The following TMEM212 variants were observed in gnomAD, a reference collection of about 807,000 sequenced individuals.
TMEM212 encodes transmembrane protein 212.
Under a neutral mutation model 20.5 loss-of-function variants are expected in TMEM212, and 23 were observed. The observed-to-expected ratio is 1.12, with a 90% CI of 0.81 to 1.59. The LOEUF (loss-of-function observed/expected upper bound fraction) is 1.59. Ranked by LOEUF, TMEM212 falls within the 40% of genes most tolerant of loss-of-function variation. TMEM212 has a pLI of 0.00. For missense variants in TMEM212, 211 were observed against 215.0 expected (o/e 0.98, Z 0.12); for synonymous variants, 76 against 81.6 (o/e 0.93, Z 0.37).
intron 3 of TMEM212, among the ~76,000 whole-genome samples, chr3:171,854,588 C>T (rs1725067675): frequency 6.6e-6 from 1 of 152,164 alleles, no homozygotes; most frequent in African/African-American, 2.4e-5. Flanking sequence ...GATCTATAGA[C>T]TCAGGGCAAT....
chr3:171,856,184 A>C (rs1412696325), intron 3 of TMEM212, among the ~76,000 whole-genome samples: 1 of 152,184 alleles, frequency 6.6e-6, no homozygotes, highest in African/African-American at 2.4e-5. Flanking sequence ...CTTCTTAAAA[A>C]ATCTTTACTA....
At chr3:171,844,205 C>T (rs1724781607) in intron 1 of TMEM212, among the ~76,000 whole-genome samples, 1 of 152,110 alleles carries the variant, frequency 6.6e-6, no homozygotes, top group African/African-American at 2.4e-5. Context: ...AAACGATTGG[C>T]CTGGTCCCTT....
chr3:171,847,690 T>C (rs992766226), intron 1 of TMEM212, among the ~76,000 whole-genome samples: 2 of 152,118 alleles, frequency 1.3e-5, no homozygotes, highest in South Asian at 2.1e-4. Context: ...GGAAAATTAC[T>C]AACAGGAAAT....
intron 1 of TMEM212, among the ~76,000 whole-genome samples, chr3:171,846,043 C>G (rs762989607): frequency 4.5e-4 from 69 of 152,288 alleles, no homozygotes; most frequent in Non-Finnish European, 6.6e-4. Context: ...CCCTCGTAAC[C>G]TGCTGAGTTC....
intron 1 of TMEM212, among the ~76,000 whole-genome samples, chr3:171,851,482 G>A (rs1724975224): frequency 2.0e-5 from 3 of 152,150 alleles, no homozygotes; most frequent in Admixed American, 1.3e-4. Context: ...TTTGAGAAAA[G>A]GGGATCGTGT....
At chr3:171,848,560 CATAGAATAGAATAGAATAGGATAGA>C (rs1724890157) in intron 1 of TMEM212, among the ~76,000 whole-genome samples, 1 of 44,344 alleles carries the variant, frequency 2.3e-5, no homozygotes, top group African/African-American at 1.1e-4. Flanking sequence ...ACAATAAATG[CATAGAATAGAATAGAATAGGATAGA>C]ATAGAATAGA....
intron 3 of TMEM212, among the ~76,000 whole-genome samples, chr3:171,854,190 C>T (rs1226842398): frequency 5.9e-5 from 9 of 151,682 alleles, no homozygotes; most frequent in African/African-American, 1.7e-4. Flanking sequence ...AGCAATTAGG[C>T]AAGAAAAAGA....
intron 1 of TMEM212, among the ~76,000 whole-genome samples, chr3:171,849,774 T>A (rs1279236371): frequency 6.6e-6 from 1 of 152,170 alleles, no homozygotes; most frequent in East Asian, 1.9e-4. Context: ...AATTTAAAGA[T>A]TTAGTGGGAG....
chr3:171,848,826 G>C (rs1578515353), intron 1 of TMEM212, among the ~76,000 whole-genome samples: 2 of 151,378 alleles, frequency 1.3e-5, no homozygotes, highest in Admixed American at 1.3e-4. Flanking sequence ...ATTGTGGCTA[G>C]AGTTGAAAAA....
chr3:171,848,214 A>C (rs1291377840), intron 1 of TMEM212, among the ~76,000 whole-genome samples: 1 of 152,124 alleles, frequency 6.6e-6, no homozygotes, highest in Non-Finnish European at 1.5e-5. Context: ...GATGAGATGC[A>C]GGTTCTAATT....
At chr3:171,854,800 A>G (rs1457649802) in intron 3 of TMEM212, among the ~76,000 whole-genome samples, 1 of 152,182 alleles carries the variant, frequency 6.6e-6, no homozygotes, top group Non-Finnish European at 1.5e-5. Context: ...CAGACAATAG[A>G]CCAATGGAAC....
At chr3:171,855,507 T>C (rs1484942044) in intron 3 of TMEM212, among the ~76,000 whole-genome samples, 1 of 152,142 alleles carries the variant, frequency 6.6e-6, no homozygotes, top group Non-Finnish European at 1.5e-5. Context: ...AAAACAATTA[T>C]TGAGTACCTA....
At chr3:171,845,060 C>T (rs532018360) in intron 1 of TMEM212, among the ~76,000 whole-genome samples, 1 of 152,154 alleles carries the variant, frequency 6.6e-6, no homozygotes, top group African/African-American at 2.4e-5. Flanking sequence ...CATCTATCAC[C>T]CCAATCTTGA....
At chr3:171,845,540 T>C (rs1164856594) in intron 1 of TMEM212, among the ~76,000 whole-genome samples, 2 of 152,226 alleles carry the variant, frequency 1.3e-5, no homozygotes, top group African/African-American at 4.8e-5. Context: ...GTGATTTTGA[T>C]TAAGATTACA....
intron 1 of TMEM212, among the ~76,000 whole-genome samples, chr3:171,844,090 T>C (rs1370176263): frequency 6.6e-6 from 1 of 152,218 alleles, no homozygotes; most frequent in Non-Finnish European, 1.5e-5. Flanking sequence ...AATAATTCAA[T>C]AATTCAAGAT....
At chr3:171,847,560 A>C (rs1724865184) in intron 1 of TMEM212, among the ~76,000 whole-genome samples, 2 of 152,354 alleles carry the variant, frequency 1.3e-5, no homozygotes, top group Non-Finnish European at 2.9e-5. Context: ...AATTTTATTC[A>C]GGATTATTGC....
In TMEM212 at chr3:171,853,779, A is replaced by T; in HGVS notation, c.472A>T (p.Thr158Ser). 4 of 1,537,192 alleles carry T rather than the reference A, an allele frequency of 2.6e-6. No homozygotes were observed. Among genetic ancestry groups the T allele is most frequent in the Non-Finnish European group, 3.5e-6 (4 of 1,146,854 alleles). The stretch of plus-strand genomic sequence containing the variant: ...AGCCCTAGACCTGTGCCTAAGCTTT[A>T]CCCTACTCTGTACATCCTTGACAGT... ...LQALDLCLSF[T>S]LLCTSLTVFI... is the part of the protein sequence containing the mutation. Residue 158 changes from threonine (T) to serine (S), a missense_variant, in exon 3 of 5, where the codon ACC becomes TCC. Coordinates refer to ENST00000334567, the MANE Select transcript of TMEM212 (RefSeq NM_001164436.2).
chr3:171,851,922 G>T, intron 1 of TMEM212, 60 bp from the exon 2 acceptor site: 2 of 1,432,410 alleles, frequency 1.4e-6, no homozygotes, highest in South Asian at 2.4e-5. Flanking sequence ...GAGACAGATT[G>T]AACTCTTTCC....
At position 171,853,713 on chromosome 3, in the gene TMEM212, G is replaced by A. The variant is rs1414755287; in HGVS notation, c.406G>A (p.Val136Met). Residue 136 changes from valine to methionine, a missense_variant, in exon 3 of 5, where the codon GTG becomes ATG. By Grantham distance (21) the Val-to-Met change is conservative. Coordinates refer to ENST00000334567, the MANE Select transcript of TMEM212 (RefSeq NM_001164436.2). ...ATATGCAAAATTCCCATTAGCCTGT[G>A]TGGACCCACCACACTACGAAGAGTA... ...YPYAKFPLAC[V>M]DPPHYEEYHL... is the part of the protein sequence containing the mutation. 2.0e-6 allele frequency: 3 copies of A among 1,537,436 alleles called. No homozygotes were observed. The highest frequency in any genetic ancestry group is 8.7e-7 in the Non-Finnish European group (1 of 1,146,938).
Sources: allele counts gnomAD v4.1 joint callset (sites outside exome capture counted in the v4.1 genomes callset), GRCh38; gene constraint gnomAD v4.1.1; transcripts MANE v1.5; gene names NCBI Gene and HGNC (gene_info 2026-07-23, HGNC 2026-07-21).